The following ERC2 variants were observed in gnomAD, a reference collection of about 807,000 sequenced individuals.
ERC2 encodes ELKS/RAB6-interacting/CAST family member 2.
A neutral mutation model predicts 114.8 loss-of-function variants in ERC2; 42 were observed. The observed-to-expected ratio is 0.37, with a 90% CI of 0.29 to 0.47. The LOEUF is 0.47. Ranked by LOEUF, ERC2 falls within the 20% of genes least tolerant of loss-of-function variation. ERC2 has a pLI of 0.99. For synonymous variants in ERC2, 454 were observed against 425.5 expected, an observed-to-expected ratio of 1.07 and a Z score of -0.82; for missense variants, 939 against 1,150.7, an observed-to-expected ratio of 0.82 and a Z score of 2.66.
intron 3 of ERC2, among the ~76,000 whole-genome samples, chr3:56,240,375 G>A (rs1459396739): frequency 6.6e-6 from 1 of 152,200 alleles, no homozygotes; most frequent in Non-Finnish European, 1.5e-5. Context: ...ACTAATCTCA[G>A]TCAGGACTGA....
chr3:55,543,765 G>A (rs1349802537), intron 17 of ERC2, among the ~76,000 whole-genome samples: 1 of 152,180 alleles, frequency 6.6e-6, no homozygotes, highest in Non-Finnish European at 1.5e-5. Flanking sequence ...CGCTGTCTCT[G>A]TGTGCCATTT....
chr3:55,956,809 C>T (rs115716655), intron 12 of ERC2, among the ~76,000 whole-genome samples: 2,009 of 152,106 alleles, frequency 0.013, 40 homozygotes, highest in African/African-American at 0.045. Context: ...AGCAGGATGC[C>T]CAAGCCCACA....
At chr3:56,097,279 T>G (rs2078112594) in intron 6 of ERC2, among the ~76,000 whole-genome samples, 1 of 151,946 alleles carries the variant, frequency 6.6e-6, no homozygotes, top group East Asian at 1.9e-4. Context: ...CTATAAAAAC[T>G]AAGCTGGAAG....
chr3:55,810,829 A>G (rs2059693809), intron 14 of ERC2, among the ~76,000 whole-genome samples: 1 of 151,216 alleles, frequency 6.6e-6, no homozygotes, highest in African/African-American at 2.5e-5. Flanking sequence ...TTGTTGAACA[A>G]ATAAGAGATG....
chr3:56,054,668 TACA>T (rs954452039), intron 7 of ERC2, among the ~76,000 whole-genome samples: 2 of 152,196 alleles, frequency 1.3e-5, no homozygotes, highest in Admixed American at 1.3e-4. Flanking sequence ...CTTCAAGGGA[TACA>T]ACAACTTGAC....
chr3:55,757,699 AAGG>A (rs1191183860), intron 14 of ERC2, among the ~76,000 whole-genome samples: 1 of 152,158 alleles, frequency 6.6e-6, no homozygotes, highest in Non-Finnish European at 1.5e-5. Flanking sequence ...GGAGTAGGAA[AAGG>A]AGGAGTTATA....
chr3:55,928,279 C>T (rs889186851), intron 13 of ERC2, among the ~76,000 whole-genome samples: 8 of 152,270 alleles, frequency 5.3e-5, no homozygotes, highest in African/African-American at 9.6e-5. Context: ...TTTGTTATTG[C>T]CTGTCTTTTG....
At chr3:56,314,732 T>C (rs1367430301) in intron 2 of ERC2, among the ~76,000 whole-genome samples, 1 of 152,220 alleles carries the variant, frequency 6.6e-6, no homozygotes, top group Non-Finnish European at 1.5e-5. Flanking sequence ...ACACTAGTGA[T>C]GGCACAGATC....
At chr3:56,301,520 A>T (rs984830542) in intron 2 of ERC2, among the ~76,000 whole-genome samples, 1 of 151,370 alleles carries the variant, frequency 6.6e-6, no homozygotes, top group Non-Finnish European at 1.5e-5. Flanking sequence ...TCCCCCTCCT[A>T]CTCTCTTCTT....
At chr3:55,677,515 C>T (rs561885184) in intron 17 of ERC2, among the ~76,000 whole-genome samples, 1 of 152,190 alleles carries the variant, frequency 6.6e-6, no homozygotes, top group African/African-American at 2.4e-5. Context: ...GATATTCTAC[C>T]CAGGGTTGAA....
At chr3:56,173,610 C>T in intron 3 of ERC2, 90 bp from the exon 4 acceptor site, 2 of 1,188,680 alleles carry the variant, frequency 1.7e-6, no homozygotes, top group Non-Finnish European at 2.4e-6. Context: ...CCTGCTGGGT[C>T]CTGGTTCCCC....
chr3:55,785,056 A>G (rs889836744), intron 14 of ERC2, among the ~76,000 whole-genome samples: 4 of 152,088 alleles, frequency 2.6e-5, no homozygotes, highest in African/African-American at 9.7e-5. Context: ...GAGGGCTCGG[A>G]AAGGGCAAAG....
intron 14 of ERC2, among the ~76,000 whole-genome samples, chr3:55,846,669 T>TTCTC (rs776618827): frequency 7.2e-4 from 93 of 129,032 alleles, no homozygotes; most frequent in South Asian, 3.9e-3. Flanking sequence ...TCCTTATTCA[T>TTCTC]TCTCTCTCTC....
intron 14 of ERC2, among the ~76,000 whole-genome samples, chr3:55,799,034 G>A (rs761181605): frequency 6.6e-6 from 1 of 152,128 alleles, no homozygotes; most frequent in Non-Finnish European, 1.5e-5. Flanking sequence ...GGTACACAGA[G>A]TTAATGTGTG....
chr3:56,113,883 CAT>C (rs2079092203), intron 6 of ERC2, among the ~76,000 whole-genome samples: 1 of 152,170 alleles, frequency 6.6e-6, no homozygotes, highest in Non-Finnish European at 1.5e-5. Context: ...CTCAGGGAAA[CAT>C]ATCACTTGTG....
chr3:56,319,589 T>C (rs184404592), intron 2 of ERC2, among the ~76,000 whole-genome samples: 2 of 152,246 alleles, frequency 1.3e-5, no homozygotes, highest in East Asian at 1.9e-4. Flanking sequence ...TATTGTATTG[T>C]ACACTCAAAA....
chr3:55,624,128 G>C (rs2059420884), intron 17 of ERC2, among the ~76,000 whole-genome samples: 1 of 152,110 alleles, frequency 6.6e-6, no homozygotes, highest in African/African-American at 2.4e-5. Context: ...AGCATATCTG[G>C]GCTGAATCCA....
intron 2 of ERC2, among the ~76,000 whole-genome samples, chr3:56,358,102 C>A (rs531364393): frequency 6.6e-6 from 1 of 151,966 alleles, no homozygotes; most frequent in Non-Finnish European, 1.5e-5. Context: ...TTTCCAGTGG[C>A]GCATACATGA....
At chr3:55,676,548 G>A (rs1261167168) in intron 17 of ERC2, among the ~76,000 whole-genome samples, 1 of 151,802 alleles carries the variant, frequency 6.6e-6, no homozygotes, top group African/African-American at 2.4e-5. Flanking sequence ...TTCACCAGAT[G>A]TGAGTGTCTG....
Sources: gnomAD v4.1 joint callset for allele counts (sites outside exome capture counted in the v4.1 genomes callset) on GRCh38, gnomAD v4.1.1 for gene constraint, MANE v1.5 for transcripts, NCBI Gene and HGNC (gene_info 2026-07-23, HGNC 2026-07-21) for gene names.